Variants in NLK observed in about 807,000 individuals in gnomAD.
The protein encoded by NLK is serine/threonine-protein kinase NLK.
A neutral mutation model predicts 59.0 loss-of-function variants in NLK; 11 were observed. That is an observed-to-expected ratio of 0.19 (90% CI 0.12 to 0.31). NLK has a LOEUF of 0.31. Ranked by LOEUF, NLK falls within the 10% of genes least tolerant of loss-of-function variation. The pLI is 1.00. For missense variants in NLK, 410 were observed against 661.1 expected (o/e 0.62, Z 4.16); for synonymous variants, 235 against 235.9 (o/e 1.00, Z 0.03).
chr17:28,202,687 C>CTTTTTTTTTTTTTTTTT, the NLK span, among the ~76,000 whole-genome samples: 1 of 133,428 alleles, frequency 7.5e-6, no homozygotes, highest in Non-Finnish European at 1.6e-5. Context: ...TCTTTTTTTT[C>CTTTTTTTTTTTTTTTTT]TTTTTTTTTT....
rs189857935 is a variant in NLK, at chr17:28,125,273, A to G, written c.588+2541A>G. Among the ~76,000 whole-genome samples the G allele has an allele frequency of 5.7e-3, 864 of 152,324 alleles. 4 individuals carry two copies. The highest frequency in any genetic ancestry group is 0.031 in the Middle Eastern group (9 of 294). On this transcript the variant is annotated intron_variant, in intron 2 of 10. Transcript: ENST00000407008. ...AACTGAATTTGTGAAAATCACACCA[A>G]TTAAAACATAGAAGCAATTCTCATA...
At chr17:28,091,725 G>A (rs1004920928) in intron 1 of NLK, among the ~76,000 whole-genome samples, 1 of 152,050 alleles carries the variant, frequency 6.6e-6, no homozygotes, top group Non-Finnish European at 1.5e-5. Flanking sequence ...TCTGATCTGT[G>A]GGTCATTTCC....
At chr17:28,095,666 A>G (rs1353223601) in intron 1 of NLK, among the ~76,000 whole-genome samples, 1 of 152,220 alleles carries the variant, frequency 6.6e-6, no homozygotes, top group Non-Finnish European at 1.5e-5. Flanking sequence ...TATATTTGAA[A>G]TGATTATTCC....
chr17:28,142,801 C>G (rs561502095), intron 3 of NLK, among the ~76,000 whole-genome samples: 2 of 151,872 alleles, frequency 1.3e-5, no homozygotes, highest in East Asian at 3.9e-4. Context: ...ACAGGAATGG[C>G]AGGATTTCAG....
chr17:28,086,270 A>G (rs1340027755), intron 1 of NLK, among the ~76,000 whole-genome samples: 1 of 152,218 alleles, frequency 6.6e-6, no homozygotes, highest in Non-Finnish European at 1.5e-5. Flanking sequence ...ACAGGTTACT[A>G]GTTTCCTTTT....
chr17:28,071,984 T>C (rs1910020193), intron 1 of NLK, among the ~76,000 whole-genome samples: 1 of 152,194 alleles, frequency 6.6e-6, no homozygotes, highest in Non-Finnish European at 1.5e-5. Flanking sequence ...CTTTGAGTTC[T>C]CAGCTTTCTT....
intron 5 of NLK, among the ~76,000 whole-genome samples, 151 bp downstream of exon 5, chr17:28,163,779 G>T (rs1447192887): frequency 6.6e-6 from 1 of 152,172 alleles, no homozygotes; most frequent in Non-Finnish European, 1.5e-5. Flanking sequence ...CATAGCCATG[G>T]TAATAATTTG....
At chr17:28,090,509 A>G (rs1021341205) in intron 1 of NLK, among the ~76,000 whole-genome samples, 1 of 152,056 alleles carries the variant, frequency 6.6e-6, no homozygotes, top group East Asian at 1.9e-4. Flanking sequence ...CTGGTGATAA[A>G]TTATTTTAAT....
intron 1 of NLK, among the ~76,000 whole-genome samples, chr17:28,057,116 G>C (rs942794479): frequency 6.6e-6 from 1 of 151,786 alleles, no homozygotes; most frequent in South Asian, 2.1e-4. Context: ...CACCACGCCC[G>C]GCTAATTTTT....
At chr17:28,133,220 A>G (rs1259988587) in intron 3 of NLK, among the ~76,000 whole-genome samples, 10 of 152,176 alleles carry the variant, frequency 6.6e-5, no homozygotes. Flanking sequence ...ACACATGTTT[A>G]TTTAATCCTA....
At chr17:28,135,814 C>T (rs970075463) in intron 3 of NLK, among the ~76,000 whole-genome samples, 3 of 152,190 alleles carry the variant, frequency 2.0e-5, no homozygotes, top group African/African-American at 7.2e-5. Flanking sequence ...TTGTTTATAT[C>T]AGGCATTAAT....
intron 1 of NLK, among the ~76,000 whole-genome samples, chr17:28,080,366 G>A (rs561032736): frequency 6.6e-6 from 1 of 152,184 alleles, no homozygotes; most frequent in Admixed American, 6.5e-5. Context: ...GATTGCTTGA[G>A]CCCAGGAGTT....
At chr17:28,104,579 T>C (rs964098726) in intron 1 of NLK, among the ~76,000 whole-genome samples, 7 of 151,996 alleles carry the variant, frequency 4.6e-5, no homozygotes, top group Non-Finnish European at 8.8e-5. Context: ...TTATTGGATG[T>C]TGTAAGTGGT....
chr17:28,128,014 G>A (rs191456229), intron 2 of NLK, among the ~76,000 whole-genome samples: 77 of 151,728 alleles, frequency 5.1e-4, no homozygotes, highest in African/African-American at 1.8e-3. Context: ...TAATCCAGTC[G>A]GGAATGGATG....
chr17:28,194,888 T>C lies in NLK; in HGVS notation c.*252T>C, dbSNP rs569756154. 8.4e-6 allele frequency: 3 copies of C among 356,358 alleles called. No individual in the cohort carries two copies. In the East Asian group the frequency reaches 1.2e-4, roughly 15 times the overall value. The allele number at this position is 356,358 out of a possible 1,614,324, so 22.1% of individuals were successfully genotyped here. A position where few individuals can be genotyped will look rare whatever the true frequency, so the allele number is the denominator to read the frequency against. On this transcript the variant is annotated 3_prime_UTR_variant, in exon 11 of 11. Transcript: ENST00000407008. Reference sequence around the variant, plus strand: ...ATGTTTTATGAATTTAGTGCAGCTGTTATGGCTCACCTCAGAACAAAAGAG... The same window carrying C: ...ATGTTTTATGAATTTAGTGCAGCTGCTATGGCTCACCTCAGAACAAAAGAG...
chr17:28,057,001 C>G (rs1053077628), intron 1 of NLK, among the ~76,000 whole-genome samples: 1 of 134,510 alleles, frequency 7.4e-6, no homozygotes, highest in Admixed American at 8.7e-5. Context: ...GTTGCCCAGG[C>G]TGGAGTGCAA....
intron 7 of NLK, 40 bp from the exon 8 acceptor site, chr17:28,185,139 A>G (rs755610876): frequency 1.6e-6 from 2 of 1,252,214 alleles, no homozygotes; most frequent in Non-Finnish European, 2.2e-6. Flanking sequence ...TGTTTACACA[A>G]AGACTCACTT....
chr17:28,059,567 T>C (rs1221094306), intron 1 of NLK, among the ~76,000 whole-genome samples: 2 of 152,188 alleles, frequency 1.3e-5, no homozygotes, highest in Admixed American at 6.5e-5. Flanking sequence ...CAAAGTAGTC[T>C]GCGATGCTAG....
chr17:28,171,266 C>T (rs529438815), intron 6 of NLK: 2 of 152,178 alleles, frequency 1.3e-5, no homozygotes, highest in South Asian at 2.1e-4. Context: ...TGATGGCTAC[C>T]CCATGGTTTA....
Sources: gnomAD v4.1 joint callset for allele counts (sites outside exome capture counted in the v4.1 genomes callset) on GRCh38, gnomAD v4.1.1 for gene constraint, MANE v1.5 for transcripts, NCBI Gene and HGNC (gene_info 2026-07-23, HGNC 2026-07-21) for gene names.